Variants in UBR4 observed in about 807,000 individuals in gnomAD.
The protein encoded by UBR4 is ubiquitin protein ligase E3 component n-recognin 4, also known as E3 ubiquitin-protein ligase UBR4.
A neutral mutation model predicts 575.6 loss-of-function variants in UBR4; 124 were observed. The ratio of observed to expected loss-of-function variants is 0.22; its 90% CI spans 0.19 to 0.25. The LOEUF (loss-of-function observed/expected upper bound fraction) is 0.25. Ranked by LOEUF, UBR4 falls within the 10% of genes least tolerant of loss-of-function variation. The probability of loss-of-function intolerance (pLI) is 1.00; values close to 1 mark genes in which losing one functional copy is unlikely to be tolerated. For missense variants in UBR4, 4,818 were observed against 6,478.8 expected, an observed-to-expected ratio of 0.74 and a Z score of 8.80; for synonymous variants, 2,455 against 2,473.7, an observed-to-expected ratio of 0.99 and a Z score of 0.22.
intron 54 of UBR4, 100 bp downstream of exon 54, chr1:19,144,686 C>T: frequency 6.7e-7 from 1 of 1,482,330 alleles, no homozygotes; most frequent in Non-Finnish European, 9.1e-7. Context: ...CCTTCAGCTT[C>T]CTCTAAATAT....
intron 12 of UBR4, 55 bp downstream of exon 12, chr1:19,187,385 GC>G (rs1284965670): frequency 1.9e-6 from 3 of 1,611,278 alleles, no homozygotes; most frequent in Non-Finnish European, 2.5e-6. Context: ...AGCTTGCTTG[GC>G]CAGAAGTGGA....
rs776328922 is a variant in UBR4 at position 19,113,802 on chromosome 1, A to T, written c.11354T>A (p.Ile3785Asn). 3 of 1,614,226 alleles carry T rather than the reference A, an allele frequency of 1.9e-6. No homozygotes were observed. Among genetic ancestry groups the T allele is most frequent in the Non-Finnish European group, 8.5e-7 (1 of 1,180,036 alleles). Reference sequence around the variant, plus strand: ...ATTCACACTGGCAGAAGTGGAGCTGATGCCCCCTGCTGTTCCTGAGTCATC... The same window carrying T: ...ATTCACACTGGCAGAAGTGGAGCTGTTGCCCCCTGCTGTTCCTGAGTCATC... The part of the protein sequence containing the change: ...PQDDSGTAGG[I>N]SSTSASVNRY... The change falls in exon 77 of 106, where the codon ATC becomes AAC. Residue 3785 changes from isoleucine to asparagine, a missense_variant. Ile to Asn is a moderately radical substitution (Grantham distance 149). Around this residue, in one of 29 missense-constraint regions of UBR4, gnomAD observed 333 missense variants for 459.2 expected, o/e 0.73. Transcript: ENST00000375254.
At chr1:19,185,428 T>A in intron 14 of UBR4, 142 bp from the exon 15 acceptor site, 3 of 758,590 alleles carry the variant, frequency 4.0e-6, no homozygotes, top group Non-Finnish European at 6.0e-6. Context: ...CATTTGTGTA[T>A]CAAAACTCAT....
intron 39 of UBR4, among the ~76,000 whole-genome samples, chr1:19,158,415 C>A (rs77825000): frequency 0.019 from 2,870 of 152,096 alleles, 91 homozygotes; most frequent in African/African-American, 0.065. Flanking sequence ...TTTACGACTT[C>A]TTTTAATTCC....
chr1:19,102,309 G>A (rs974114066), intron 87 of UBR4, among the ~76,000 whole-genome samples: 2 of 151,900 alleles, frequency 1.3e-5, no homozygotes, highest in African/African-American at 2.4e-5. Flanking sequence ...AGGTTACAGT[G>A]AGCCTCGATC....
At chr1:19,189,353 A>C (rs999566362) in intron 11 of UBR4, among the ~76,000 whole-genome samples, 3 of 152,244 alleles carry the variant, frequency 2.0e-5, no homozygotes. Context: ...CAGGACAATT[A>C]AGTTCCCAAA....
chr1:19,199,715 T>C lies in UBR4; in HGVS notation c.314A>G (p.Lys105Arg). The C allele has an allele frequency of 1.9e-6, 3 of 1,614,068 alleles. 1 individual carries two copies. The South Asian group carries it at 3.3e-5, about 18-fold the overall frequency. ...CAGGAGAGAAAACTCAATTAGAACT[T>C]TACAGGCTGCTGCCACTGACTGAAG... is the stretch of plus-strand genomic sequence containing the variant. ...NQLQSVAAACKVLIEFSLLRL... is the reference protein window; with the variant it reads ...NQLQSVAAACRVLIEFSLLRL... The change falls in exon 3 of 106, where the codon AAA (lysine) becomes AGA (arginine). Residue 105 changes from lysine to arginine, a missense_variant. Lys to Arg is a conservative substitution (Grantham distance 26). Around this residue, in one of 29 missense-constraint regions of UBR4, gnomAD observed 85 missense variants for 134.2 expected, o/e 0.63. Transcript: ENST00000375254.
intron 15 of UBR4, 47 bp from the exon 16 acceptor site, chr1:19,184,222 A>G: frequency 1.9e-6 from 3 of 1,585,808 alleles, no homozygotes; most frequent in Non-Finnish European, 2.6e-6. Context: ...TCATAAGCCC[A>G]GCGTTCCTAT....
intron 97 of UBR4, among the ~76,000 whole-genome samples, chr1:19,090,891 T>TG (rs1411325926): frequency 6.6e-6 from 1 of 152,102 alleles, no homozygotes; most frequent in African/African-American, 2.4e-5. Context: ...GGTCAGGAGT[T>TG]GGAGACCAGC....
At position 19,177,605 on chromosome 1, in the gene UBR4, C is replaced by T. The variant is rs1179536068; in HGVS notation, c.2493G>A (p.Ser831=). The T allele has an allele frequency of 3.7e-6, 6 of 1,613,372 alleles. No individual in the cohort carries two copies. The Admixed American group carries it at 5.0e-5, about 13-fold the overall frequency. Residue 831 remains serine (S), a synonymous_variant, in exon 19 of 106, where the codon TCG becomes TCA. Transcript: ENST00000375254. ...FTETGRRAIL[S]LFVQIIQELS... is the part of the protein sequence containing the mutation. Reference sequence around the variant, plus strand: ...ACTCCTGGATGATCTGGACAAAAAGCGACAATATGGCCCGCCGGCCTGTCT... The same window carrying T: ...ACTCCTGGATGATCTGGACAAAAAGTGACAATATGGCCCGCCGGCCTGTCT...
Position 19,092,806 on chromosome 1 carries a change from C to G in UBR4, c.14211+13G>C. ...ACCCCTGTACCCTCACACTACCTGT[C>G]CTGGCTACCCACCTGGGTGCCAGGG... is the stretch of plus-strand genomic sequence containing the variant. On this transcript the variant is annotated intron_variant, in intron 97 of 105. Coordinates refer to ENST00000375254, the MANE Select transcript of UBR4 (RefSeq NM_020765.3). The G allele has an allele frequency of 6.2e-7, 1 of 1,606,554 alleles. No individual in the cohort carries two copies.
At chr1:19,127,484 G>GT in intron 63 of UBR4, 139 bp downstream of exon 63, 2 of 699,552 alleles carry the variant, frequency 2.9e-6, no homozygotes, top group Admixed American at 4.6e-5. Flanking sequence ...TCTTGAAAAG[G>GT]TGACAGCTTA....
chr1:19,153,706 T>C lies in UBR4; in HGVS notation c.6630+62A>G, dbSNP rs576959899. On this transcript the variant is annotated intron_variant, in intron 45 of 105. Transcript: ENST00000375254. The surrounding 1 kb of genome is among the most constrained non-coding windows in gnomAD (Gnocchi z 4.1). ...AAGAGCTGGGAAAGTGAAATGAATATACAAACATAAAAAGAGACCAGGTTC... is the reference window on the plus strand; with the variant it reads ...AAGAGCTGGGAAAGTGAAATGAATACACAAACATAAAAAGAGACCAGGTTC... The C allele has an allele frequency of 5.1e-6, 8 of 1,558,730 alleles. No homozygotes were observed. The highest frequency in any genetic ancestry group is 2.2e-5 in the East Asian group (1 of 44,464).
Position 19,179,076 on chromosome 1 carries a change from G to A in UBR4, c.2329C>T (p.Pro777Ser), listed in dbSNP as rs748114415. 1.1e-4 allele frequency: 172 copies of A among 1,613,354 alleles called. No homozygotes were observed. Among genetic ancestry groups the A allele is most frequent in the Non-Finnish European group, 1.4e-4 (164 of 1,179,820 alleles). The change falls in exon 18 of 106, where the codon CCA becomes TCA. Residue 777 changes from proline (P) to serine (S), a missense_variant. Pro to Ser is a moderately conservative substitution (Grantham distance 74, BLOSUM62 -1). Coordinates refer to ENST00000375254, the MANE Select transcript of UBR4 (RefSeq NM_020765.3). ...KASAQGDPDVPECLKVWDRFL... is the reference protein window; with the variant it reads ...KASAQGDPDVSECLKVWDRFL... Reference sequence around the variant, plus strand: ...CTGTCCCAAACTTTAAGGCATTCTGGGACGTCAGGGTCACCTTGAGCACTG... The same window carrying A: ...CTGTCCCAAACTTTAAGGCATTCTGAGACGTCAGGGTCACCTTGAGCACTG...
chr1:19,096,463 C>G (rs1289684477), intron 92 of UBR4, 60 bp downstream of exon 92: 2 of 1,577,908 alleles, frequency 1.3e-6, no homozygotes, highest in Non-Finnish European at 1.7e-6. Flanking sequence ...AGCTTCTTTC[C>G]ACAGGGGCCT....
chr1:19,170,968 C>T, intron 25 of UBR4, 85 bp from the exon 26 acceptor site: 1 of 1,581,976 alleles, frequency 6.3e-7, no homozygotes, highest in Non-Finnish European at 8.6e-7. Context: ...GGCTGAAAAC[C>T]CTATATCTCA....
intron 8 of UBR4, among the ~76,000 whole-genome samples, chr1:19,195,338 T>TG (rs1272642335): frequency 6.6e-6 from 1 of 150,998 alleles, no homozygotes; most frequent in Non-Finnish European, 1.5e-5. Flanking sequence ...TTTAAGATTA[T>TG]GAAAAAAAAA....
intron 69 of UBR4, 50 bp downstream of exon 69, chr1:19,120,130 A>G: frequency 6.3e-7 from 1 of 1,598,304 alleles, no homozygotes; most frequent in Non-Finnish European, 8.6e-7. Context: ...TGCATTACGC[A>G]CCCTGGCCTC....
intron 54 of UBR4, among the ~76,000 whole-genome samples, chr1:19,144,293 C>T (rs914673381): frequency 1.3e-5 from 2 of 152,220 alleles, no homozygotes; most frequent in Admixed American, 1.3e-4. Context: ...CATTCGCTAA[C>T]CTCCTGTCTC....
Sources: gnomAD v4.1 joint callset for allele counts (sites outside exome capture counted in the v4.1 genomes callset) on GRCh38, gnomAD v4.1.1 for gene constraint, gnomAD v4.1.1 regional missense constraint, Gnocchi (gnomAD v3.1) non-coding constraint, MANE v1.5 for transcripts, NCBI Gene and HGNC (gene_info 2026-07-23, HGNC 2026-07-21) for gene names.